Variants in HIPK2 observed in about 807,000 individuals in gnomAD.
HIPK2 encodes homeodomain interacting protein kinase 2.
Under a neutral mutation model 113.7 loss-of-function variants are expected in HIPK2, and 27 were observed. That is an observed-to-expected ratio of 0.24 (90% CI 0.17 to 0.33). The LOEUF is 0.33. Among genes scored for constraint, HIPK2 ranks in the 10% least tolerant of loss-of-function variants. The probability of loss-of-function intolerance (pLI) is 1.00; values close to 1 mark genes in which losing one functional copy is unlikely to be tolerated. For missense variants in HIPK2, 1,257 were observed against 1,588.0 expected, an observed-to-expected ratio of 0.79 and a Z score of 3.54; for synonymous variants, 631 against 642.2, an observed-to-expected ratio of 0.98 and a Z score of 0.26.
Position 139,742,486 on chromosome 7 carries a change from T to G in HIPK2, c.20-25471A>C, listed in dbSNP as rs1796119526. 2.0e-5 allele frequency among the ~76,000 whole-genome samples: 3 copies of G among 152,200 alleles called. No individual in the cohort carries two copies. In the South Asian group the frequency reaches 6.2e-4, roughly 32 times the overall value. ...TACAATATGCTCTGAAGCCCAAATTTATTTACCAAAGGGAAACTTCTTTTT... is the reference window on the plus strand; with the variant it reads ...TACAATATGCTCTGAAGCCCAAATTGATTTACCAAAGGGAAACTTCTTTTT... On this transcript the variant is annotated intron_variant, in intron 1 of 14. Transcript: ENST00000406875.
At position 139,699,515 on chromosome 7, in the gene HIPK2, T is replaced by C. The variant is rs1003227936; in HGVS notation, c.1103+16417A>G. 1.2e-4 allele frequency among the ~76,000 whole-genome samples: 18 copies of C among 152,060 alleles called. 1 individual carries two copies. The highest frequency in any genetic ancestry group is 1.0e-3 in the Admixed American group (16 of 15,272). On this transcript the variant is annotated intron_variant, in intron 2 of 14. Coordinates refer to ENST00000406875, the MANE Select transcript of HIPK2 (RefSeq NM_022740.5). ...GCCTCCAACCCAGCAAGAAGTTACG[T>C]TTTGTCCAGGAGAAGTCTCACTAAG...
At chr7:139,579,466 C>T (rs758840408) in intron 13 of HIPK2, among the ~76,000 whole-genome samples, 6 of 152,148 alleles carry the variant, frequency 3.9e-5, no homozygotes, top group Non-Finnish European at 5.9e-5. Context: ...TGCATGGAAA[C>T]GACCAGGCCC....
intron 12 of HIPK2, among the ~76,000 whole-genome samples, chr7:139,585,573 G>A (rs1400412990): frequency 6.6e-6 from 1 of 152,168 alleles, no homozygotes; most frequent in Non-Finnish European, 1.5e-5. Context: ...AGGGCGGTGG[G>A]CAGCTATTTA....
chr7:139,756,447 C>T (rs577816409), intron 1 of HIPK2, among the ~76,000 whole-genome samples: 51 of 152,186 alleles, frequency 3.4e-4, no homozygotes, highest in African/African-American at 8.0e-4. Context: ...TTTTTTGAGA[C>T]GGAGTCTCGC....
chr7:139,594,874 GTTTC>G lies in HIPK2; in HGVS notation c.2717+1839_2717+1842del, dbSNP rs1307110284. Among the ~76,000 whole-genome samples, 5 of 152,200 alleles carry G rather than the reference GTTTC, an allele frequency of 3.3e-5. No homozygotes were observed. The East Asian group carries it at 9.7e-4, about 29-fold the overall frequency. ...CTGTGCACCTGGCTCTCTCTCCCAG[GTTTC>G]TTTGAGTTGTTCCCATGAAGGTCCT... On this transcript the variant is annotated intron_variant, in intron 12 of 14. Coordinates refer to ENST00000406875, the MANE Select transcript of HIPK2 (RefSeq NM_022740.5).
In HIPK2 at chr7:139,777,653, A is replaced by T; in HGVS notation, c.-30T>A. 9.2e-7 allele frequency: 1 copy of T among 1,082,014 alleles called. No homozygotes were observed. Among genetic ancestry groups the T allele is most frequent in the East Asian group, 5.1e-5 (1 of 19,478 alleles). The allele number at this position is 1,082,014 out of a possible 1,614,324, so 67.0% of individuals were successfully genotyped here. On this transcript the variant is annotated 5_prime_UTR_variant, in exon 1 of 15. It adds an upstream start codon to the 5' untranslated region. Coordinates refer to ENST00000406875, the MANE Select transcript of HIPK2 (RefSeq NM_022740.5). ...GCCGGGGTGTCCGCGGTTCATGGCA[A>T]CGGGGACGGGAAAGCGGCGCGCGAG...
chr7:139,777,586 G>A lies in HIPK2; in HGVS notation c.19+19C>T, dbSNP rs1255116338. ...GGAGGGCGGCGGGCGCGGGGTCGGC[G>A]GGGCCGGGCGCCCCTTACCTTCGTA... is the stretch of plus-strand genomic sequence containing the variant. On this transcript the variant is annotated intron_variant, in intron 1 of 14. Transcript: ENST00000406875. 2 of 1,043,222 alleles carry A rather than the reference G, an allele frequency of 1.9e-6. No individual in the cohort carries two copies. Among genetic ancestry groups the A allele is most frequent in the South Asian group, 4.4e-5 (1 of 22,488 alleles). The allele number at this position is 1,043,222 out of a possible 1,614,324, so 64.6% of individuals were successfully genotyped here.
rs1801181886 is a variant in HIPK2, at chr7:139,645,557, A to G, written c.1104-13832T>C. Among the ~76,000 whole-genome samples, 2 of 152,138 alleles carry G rather than the reference A, an allele frequency of 1.3e-5. 1 individual carries two copies. Among genetic ancestry groups the G allele is most frequent in the South Asian group, 4.1e-4 (2 of 4,830 alleles). ...CAGGGCCGAAACCCACTAATACCCTACCTAAGCAACTTTCCAAATAAAGCC... is the reference window on the plus strand; with the variant it reads ...CAGGGCCGAAACCCACTAATACCCTGCCTAAGCAACTTTCCAAATAAAGCC... On this transcript the variant is annotated intron_variant, in intron 2 of 14. Transcript: ENST00000406875.
intron 1 of HIPK2, among the ~76,000 whole-genome samples, chr7:139,775,810 T>G (rs1796731344): frequency 6.6e-6 from 1 of 152,100 alleles, no homozygotes; most frequent in Admixed American, 6.5e-5. Flanking sequence ...GGATTTAAAA[T>G]GAAAGGAGCA....
At chr7:139,598,380 A>G (rs187000717) in intron 11 of HIPK2, among the ~76,000 whole-genome samples, 1 of 152,342 alleles carries the variant, frequency 6.6e-6, no homozygotes, top group East Asian at 1.9e-4. Context: ...AGGGACTGGT[A>G]ATATGTTTCA....
At chr7:139,614,549 T>C in intron 7 of HIPK2, 56 bp from the exon 8 acceptor site, 1,347 of 426,256 alleles carry the variant, frequency 3.2e-3, no homozygotes, top group Non-Finnish European at 4.6e-3. Flanking sequence ...ATGAGGGAGG[T>C]GGCATGTTGG....
At chr7:139,711,383 G>A (rs1034492838) in intron 2 of HIPK2, among the ~76,000 whole-genome samples, 38 of 152,098 alleles carry the variant, frequency 2.5e-4, no homozygotes, top group African/African-American at 7.5e-4. Flanking sequence ...AGTCGAGATC[G>A]CACCACTGCA....
chr7:139,775,857 C>T (rs1796732544), intron 1 of HIPK2, among the ~76,000 whole-genome samples: 1 of 152,118 alleles, frequency 6.6e-6, no homozygotes, highest in African/African-American at 2.4e-5. Flanking sequence ...TGGCTTTCCA[C>T]AAAGTTGACA....
Position 139,714,536 on chromosome 7 carries a change from G to GT in HIPK2, c.1103+1395dup, listed in dbSNP as rs1404657367. ...TGGCCCAGGTCAGCCCCAGGAATGG[G>GT]TGACAGGTCAGCTGTGTCGACAAGG... On this transcript the variant is annotated intron_variant, in intron 2 of 14. Transcript: ENST00000406875. This position sits in a 1 kb window ranked among gnomAD's most constrained non-coding sequence, Gnocchi z 4.2. Among the ~76,000 whole-genome samples the GT allele has an allele frequency of 6.6e-6, 1 of 152,144 alleles. No individual in the cohort carries two copies. The highest frequency in any genetic ancestry group is 1.5e-5 in the Non-Finnish European group (1 of 68,016).
chr7:139,664,757 C>A (rs1299741455), intron 2 of HIPK2, among the ~76,000 whole-genome samples: 3 of 152,176 alleles, frequency 2.0e-5, no homozygotes, highest in Non-Finnish European at 4.4e-5. Context: ...AACTTAGGTG[C>A]CCCTTTGACT....
chr7:139,706,956 C>T (rs1794917474), intron 2 of HIPK2, among the ~76,000 whole-genome samples: 1 of 152,206 alleles, frequency 6.6e-6, no homozygotes, highest in Non-Finnish European at 1.5e-5. Flanking sequence ...TCTGACCCTG[C>T]TCAAGCCCAC....
intron 2 of HIPK2, among the ~76,000 whole-genome samples, chr7:139,666,112 G>A (rs1054382685): frequency 1.3e-5 from 2 of 152,118 alleles, no homozygotes; most frequent in Non-Finnish European, 1.5e-5. Flanking sequence ...AGAGAAAAGC[G>A]TAGGGATGAC....
At chr7:139,695,604 C>G (rs1794539441) in intron 2 of HIPK2, among the ~76,000 whole-genome samples, 1 of 152,298 alleles carries the variant, frequency 6.6e-6, no homozygotes, top group Admixed American at 6.5e-5. Context: ...AACTGCTCTA[C>G]AGAATGGTTT....
chr7:139,632,661 C>T (rs1800657613), intron 2 of HIPK2, among the ~76,000 whole-genome samples: 1 of 152,162 alleles, frequency 6.6e-6, no homozygotes, highest in Admixed American at 6.5e-5. Flanking sequence ...GTAATCAACA[C>T]TAAAGAGACC....
Sources: allele counts gnomAD v4.1 joint callset (sites outside exome capture counted in the v4.1 genomes callset), GRCh38; gene constraint gnomAD v4.1.1; non-coding constraint Gnocchi (gnomAD v3.1); transcripts MANE v1.5; gene names NCBI Gene and HGNC (gene_info 2026-07-23, HGNC 2026-07-21).